The following SP1 variants were observed in gnomAD, a reference collection of about 807,000 sequenced individuals.
SP1 encodes transcription factor Sp1.
Under a neutral mutation model 66.3 loss-of-function variants are expected in SP1, and 6 were observed. The ratio of observed to expected loss-of-function variants is 0.09; its 90% confidence interval spans 0.05 to 0.18. SP1 has a LOEUF of 0.18. Among genes scored for constraint, SP1 ranks in the 10% least tolerant of loss-of-function variants. The probability of loss-of-function intolerance (pLI) is 1.00; values close to 1 mark genes in which losing one functional copy is unlikely to be tolerated. For synonymous variants in SP1, 417 were observed against 360.8 expected (o/e 1.16, Z -1.77); for missense variants, 848 against 964.5 (o/e 0.88, Z 1.60).
At chr12:53,390,226 G>A (rs1302577565) in intron 3 of SP1, among the ~76,000 whole-genome samples, 1 of 151,986 alleles carries the variant, frequency 6.6e-6, no homozygotes, top group Non-Finnish European at 1.5e-5. Flanking sequence ...ATGTTTCTGC[G>A]TCTTTTGTCT....
intron 3 of SP1, among the ~76,000 whole-genome samples, chr12:53,401,679 A>G (rs759735521): frequency 4.6e-5 from 7 of 152,104 alleles, no homozygotes; most frequent in African/African-American, 7.2e-5. Flanking sequence ...ATTACTTACT[A>G]TGGTTTTGCC....
chr12:53,395,461 A>G (rs1008203001), intron 3 of SP1, among the ~76,000 whole-genome samples: 31 of 152,208 alleles, frequency 2.0e-4, no homozygotes, highest in African/African-American at 7.2e-4. Context: ...TAAGAAATTC[A>G]GTTATACTTA....
chr12:53,383,342 G>C lies in SP1; in HGVS notation c.1395G>C (p.Gln465His). 1.9e-6 allele frequency: 3 copies of C among 1,614,216 alleles called. No individual in the cohort carries two copies. Among genetic ancestry groups the C allele is most frequent in the Middle Eastern group, 1.6e-4 (1 of 6,062 alleles). ...TVGPNGQVSWQTLQLQNLQVQ... is the reference protein window; with the variant it reads ...TVGPNGQVSWHTLQLQNLQVQ... ...GGCCCAATGGACAGGTCAGTTGGCA[G>C]ACTCTACAGCTGCAGAACCTCCAAG... is the stretch of plus-strand genomic sequence containing the variant. The change falls in exon 3 of 6, where the codon CAG becomes CAC. Residue 465 changes from glutamine (Q) to histidine (H), a missense_variant. Physicochemically the swap from Gln to His is conservative, Grantham distance 24. Coordinates refer to ENST00000327443, the MANE Select transcript of SP1 (RefSeq NM_138473.3).
rs762020271 is a variant in SP1 at position 53,382,094 on chromosome 12, C to T, written c.163-16C>T. On this transcript the variant is annotated splice_polypyrimidine_tract_variant and intron_variant, in intron 2 of 5. Coordinates refer to ENST00000327443, the MANE Select transcript of SP1 (RefSeq NM_138473.3). ...GGGTGTCACTAACTCCTTTCCTCTC[C>T]CTTATTTTCGGCCAGGAGTCCCAGC... is the stretch of plus-strand genomic sequence containing the variant. The T allele has an allele frequency of 6.2e-7, 1 of 1,611,982 alleles. No homozygotes were observed. The highest frequency in any genetic ancestry group is 1.1e-5 in the South Asian group (1 of 90,982).
chr12:53,380,697 T>G, intron 1 of SP1: 2 of 978,562 alleles, frequency 2.0e-6, no homozygotes, highest in Non-Finnish European at 1.2e-6. Context: ...CGCCGCCTGC[T>G]CCAAGGCCCT....
In SP1 at chr12:53,381,793, A is replaced by T. The variant is rs759239716; in HGVS notation, c.142A>T (p.Ser48Cys). Residue 48 changes from serine (S) to cysteine (C), a missense_variant, in exon 2 of 6, where the codon AGC (serine) becomes TGC (cysteine). Around this residue, in one of 7 missense-constraint regions of SP1, gnomAD observed 84 missense variants for 73.9 expected, o/e 1.14. Coordinates refer to ENST00000327443, the MANE Select transcript of SP1 (RefSeq NM_138473.3). ...AAGTAGCAGCACAGGCAGTAGCAGCAGCACTGGAGGAGGAGGGCAGGTAAG... is the reference window on the plus strand; with the variant it reads ...AAGTAGCAGCACAGGCAGTAGCAGCTGCACTGGAGGAGGAGGGCAGGTAAG... ...ARSSSTGSSS[S>C]TGGGGQESQP... 14 of 1,613,960 alleles carry T rather than the reference A, an allele frequency of 8.7e-6. No homozygotes were observed. Among genetic ancestry groups the T allele is most frequent in the Non-Finnish European group, 1.2e-5 (14 of 1,179,944 alleles).
intron 3 of SP1, among the ~76,000 whole-genome samples, chr12:53,398,317 C>T (rs375355858): frequency 6.6e-6 from 1 of 152,148 alleles, no homozygotes; most frequent in Admixed American, 6.6e-5. Flanking sequence ...GAGTCTCGCT[C>T]TGTCTCCCAG....
intron 3 of SP1, among the ~76,000 whole-genome samples, chr12:53,398,037 T>G (rs1938528941): frequency 6.6e-6 from 1 of 152,174 alleles, no homozygotes; most frequent in Non-Finnish European, 1.5e-5. Flanking sequence ...TAGTGCAAAA[T>G]GACAGTAGAA....
In SP1 at chr12:53,413,051, A is replaced by G. The variant is rs1477445615; in HGVS notation, c.*1811A>G. 1 of 152,552 alleles carries G rather than the reference A, an allele frequency of 6.6e-6. No individual in the cohort carries two copies. Among genetic ancestry groups the G allele is most frequent in the Non-Finnish European group, 1.5e-5 (1 of 68,044 alleles). The allele number at this position is 152,552 out of a possible 1,614,324, so 9.4% of individuals were successfully genotyped here. The stretch of plus-strand genomic sequence containing the variant: ...AAAAAATTACCCTGATCTGATAGAA[A>G]GCAAGTGTTTTTGTATGTGTGGGTG... On this transcript the variant is annotated 3_prime_UTR_variant, in exon 6 of 6. Coordinates refer to ENST00000327443, the MANE Select transcript of SP1 (RefSeq NM_138473.3).
chr12:53,394,489 C>T (rs1464438012), intron 3 of SP1, among the ~76,000 whole-genome samples: 1 of 145,456 alleles, frequency 6.9e-6, no homozygotes, highest in East Asian at 2.0e-4. Context: ...TACTGCAGCC[C>T]TTGACCTCCT....
At chr12:53,384,708 C>T (rs531692088) in intron 3 of SP1, among the ~76,000 whole-genome samples, 79 of 152,048 alleles carry the variant, frequency 5.2e-4, no homozygotes, top group Non-Finnish European at 8.1e-4. Context: ...GATTATGGGC[C>T]GGGTGTGGTG....
chr12:53,411,090 C>T lies in SP1; in HGVS notation c.2208C>T (p.Gly736=), dbSNP rs772170716. The change falls in exon 6 of 6, where the codon GGC becomes GGT. Residue 736 remains glycine (G), a synonymous_variant. Coordinates refer to ENST00000327443, the MANE Select transcript of SP1 (RefSeq NM_138473.3). Reference sequence around the variant, plus strand: ...GTGGGGCAGGTTCAGAAGGCAGTGGCACTGCCACTCCTTCAGCCCTTATTA... The same window carrying T: ...GTGGGGCAGGTTCAGAAGGCAGTGGTACTGCCACTCCTTCAGCCCTTATTA... ...LDSGAGSEGS[G]TATPSALITT... The T allele has an allele frequency of 3.1e-6, 5 of 1,614,208 alleles. No homozygotes were observed. Among genetic ancestry groups the T allele is most frequent in the Non-Finnish European group, 4.2e-6 (5 of 1,180,022 alleles).
At chr12:53,392,511 T>C (rs35173667) in intron 3 of SP1, among the ~76,000 whole-genome samples, 1 of 150,370 alleles carries the variant, frequency 6.7e-6, no homozygotes, top group East Asian at 2.0e-4. Flanking sequence ...CGCCCGCCAC[T>C]ACGCCCGGCT....
chr12:53,405,977 C>T (rs1188885595), intron 3 of SP1, among the ~76,000 whole-genome samples: 3 of 135,490 alleles, frequency 2.2e-5, no homozygotes, highest in East Asian at 2.4e-4. Flanking sequence ...GCACATGTAC[C>T]GTAAAACTTA....
Position 53,414,123 on chromosome 12 carries a change from CAG to C in SP1, c.*2885_*2886del, listed in dbSNP as rs35937229. ...CCCGTTTCCCTGAACTTTTGGCTAA[CAG>C]AAATTAATTTAACTGACATGCATAT... On this transcript the variant is annotated 3_prime_UTR_variant, in exon 6 of 6. Transcript: ENST00000327443. 0.18 allele frequency: 27,708 copies of C among 152,066 alleles called. 2,613 individuals carry two copies. Among genetic ancestry groups the C allele is most frequent in the African/African-American group, 0.21 (8,667 of 41,478 alleles). 9.4% of individuals were successfully genotyped at this position (152,066 alleles called of 1,614,324 possible).
At chr12:53,380,959 T>G (rs1013600668) in intron 1 of SP1, among the ~76,000 whole-genome samples, 3 of 142,014 alleles carry the variant, frequency 2.1e-5, no homozygotes, top group Non-Finnish European at 4.6e-5. Flanking sequence ...TTTTTTTTTT[T>G]TTTTTTTTGA....
At position 53,412,030 on chromosome 12, in the gene SP1, T is replaced by A. The variant is rs1014953990; in HGVS notation, c.*790T>A. 1.1e-4 allele frequency: 16 copies of A among 152,178 alleles called. No homozygotes were observed. The highest frequency in any genetic ancestry group is 3.9e-4 in the African/African-American group (16 of 41,440). 9.4% of individuals were successfully genotyped at this position (152,178 alleles called of 1,614,324 possible). A position where few individuals can be genotyped will look rare whatever the true frequency, so the allele number is the denominator to read the frequency against. The stretch of plus-strand genomic sequence containing the variant: ...TTACTGCCTGGATGAGGCACTTCTG[T>A]CAATTTTTTCAGGACCTTAGTTCCA... On this transcript the variant is annotated 3_prime_UTR_variant, in exon 6 of 6. Coordinates refer to ENST00000327443, the MANE Select transcript of SP1 (RefSeq NM_138473.3).
chr12:53,389,347 G>A (rs1592559446), intron 3 of SP1, among the ~76,000 whole-genome samples: 1 of 150,046 alleles, frequency 6.7e-6, no homozygotes, highest in Non-Finnish European at 1.5e-5. Flanking sequence ...TCAGCCTCCC[G>A]AGTAATGCCC....
At chr12:53,399,441 C>T (rs1309280374) in intron 3 of SP1, among the ~76,000 whole-genome samples, 1 of 151,082 alleles carries the variant, frequency 6.6e-6, no homozygotes, top group Non-Finnish European at 1.5e-5. Context: ...TCACGCCATT[C>T]TTCTGTCAGC....
Sources: gnomAD v4.1 joint callset for allele counts (sites outside exome capture counted in the v4.1 genomes callset) on GRCh38, gnomAD v4.1.1 for gene constraint, gnomAD v4.1.1 regional missense constraint, MANE v1.5 for transcripts, NCBI Gene and HGNC (gene_info 2026-07-23, HGNC 2026-07-21) for gene names.